Variants in TENM2 observed in about 807,000 individuals in gnomAD.
TENM2 encodes the protein teneurin transmembrane protein 2.
Under a neutral mutation model 245.2 loss-of-function variants are expected in TENM2, and 52 were observed. The ratio of observed to expected loss-of-function variants is 0.21; its 90% confidence interval spans 0.17 to 0.27. The LOEUF is 0.27. Ranked by LOEUF, TENM2 falls within the 10% of genes least tolerant of loss-of-function variation. The pLI, the probability that TENM2 is intolerant of heterozygous loss-of-function variation, is 1.00. For missense variants in TENM2, 3,046 were observed against 3,666.8 expected, an observed-to-expected ratio of 0.83 and a Z score of 4.37; for synonymous variants, 1,363 against 1,438.9, an observed-to-expected ratio of 0.95 and a Z score of 1.19.
intron 2 of TENM2, among the ~76,000 whole-genome samples, chr5:167,616,680 A>C (rs1464926249): frequency 6.6e-6 from 1 of 152,010 alleles, no homozygotes; most frequent in Non-Finnish European, 1.5e-5. Flanking sequence ...GGAGAGAGGG[A>C]GGGGATGGTG....
At chr5:167,464,904 A>G (rs1198318596) in intron 2 of TENM2, among the ~76,000 whole-genome samples, 1 of 152,228 alleles carries the variant, frequency 6.6e-6, no homozygotes, top group Non-Finnish European at 1.5e-5. Context: ...AACTATTCCA[A>G]TTTAATTGAG....
At chr5:167,187,374 G>A in the TENM2 span, among the ~76,000 whole-genome samples, 2 of 152,186 alleles carry the variant, frequency 1.3e-5, no homozygotes, top group Non-Finnish European at 2.9e-5. Context: ...GGCCCAAAGA[G>A]CAATCCCTCA....
chr5:167,369,792 C>T (rs1031203616), intron 1 of TENM2, among the ~76,000 whole-genome samples: 1 of 151,998 alleles, frequency 6.6e-6, no homozygotes, highest in African/African-American at 2.4e-5. Context: ...ATCTTCTTGC[C>T]CTTGTAGTAT....
intron 19 of TENM2, among the ~76,000 whole-genome samples, chr5:168,207,752 A>G (rs1001624485): frequency 1.3e-5 from 2 of 151,818 alleles, no homozygotes; most frequent in African/African-American, 4.8e-5. Context: ...TCGCTTACCC[A>G]CCCCGGAGCT....
intron 2 of TENM2, among the ~76,000 whole-genome samples, chr5:167,663,171 AG>A (rs1412875888): frequency 3.2e-4 from 48 of 151,340 alleles, no homozygotes; most frequent in African/African-American, 1.0e-3. Context: ...AGAGAGAGAG[AG>A]AGAGAGAGAG....
chr5:168,050,391 A>T (rs2152050742), intron 6 of TENM2, among the ~76,000 whole-genome samples: 2 of 152,308 alleles, frequency 1.3e-5, no homozygotes, highest in South Asian at 4.1e-4. Flanking sequence ...ACATTTAGAT[A>T]ACCTGAATCA....
intron 1 of TENM2, among the ~76,000 whole-genome samples, chr5:167,291,190 G>C (rs1242463846): frequency 6.6e-6 from 1 of 152,044 alleles, no homozygotes; most frequent in Non-Finnish European, 1.5e-5. Flanking sequence ...AAATTCCCCA[G>C]AGTTTCACCC....
At chr5:167,436,536 C>T (rs187532479) in intron 2 of TENM2, among the ~76,000 whole-genome samples, 80 of 152,318 alleles carry the variant, frequency 5.3e-4, no homozygotes, top group African/African-American at 1.8e-3. Flanking sequence ...GAAATTCAAG[C>T]TGGCTGCTGA....
At chr5:167,368,434 C>CA (rs1211619033) in intron 1 of TENM2, among the ~76,000 whole-genome samples, 3 of 151,658 alleles carry the variant, frequency 2.0e-5, no homozygotes, top group Admixed American at 1.3e-4. Flanking sequence ...ATTTTTTTTC[C>CA]AAAAAATACT....
the TENM2 span, among the ~76,000 whole-genome samples, chr5:166,988,243 G>A: frequency 6.6e-6 from 1 of 152,138 alleles, no homozygotes; most frequent in Non-Finnish European, 1.5e-5. Flanking sequence ...TCATAGCTAA[G>A]CCATCAAAAT....
At chr5:167,266,919 G>T in the TENM2 span, among the ~76,000 whole-genome samples, 3 of 152,182 alleles carry the variant, frequency 2.0e-5, no homozygotes, top group Non-Finnish European at 2.9e-5. Context: ...AATATCTTCA[G>T]TTGTGGTGTG....
At chr5:168,144,111 G>A (rs1460660973) in intron 12 of TENM2, among the ~76,000 whole-genome samples, 2 of 151,380 alleles carry the variant, frequency 1.3e-5, no homozygotes, top group African/African-American at 2.4e-5. Flanking sequence ...CGCCTGCCTC[G>A]GCCTCCCAAA....
At chr5:167,450,045 A>AGATGGATG (rs983913082) in intron 2 of TENM2, among the ~76,000 whole-genome samples, 1 of 152,106 alleles carries the variant, frequency 6.6e-6, no homozygotes, top group South Asian at 2.1e-4. Flanking sequence ...ATGCGTGGCT[A>AGATGGATG]GATGGATGGA....
At chr5:167,527,549 C>G (rs1298974834) in intron 2 of TENM2, among the ~76,000 whole-genome samples, 2 of 152,236 alleles carry the variant, frequency 1.3e-5, no homozygotes, top group Non-Finnish European at 2.9e-5. Context: ...GCTAATACTC[C>G]AAAGACGGGA....
chr5:167,655,810 A>G (rs1754805398), intron 2 of TENM2, among the ~76,000 whole-genome samples: 2 of 152,182 alleles, frequency 1.3e-5, no homozygotes, highest in Non-Finnish European at 2.9e-5. Flanking sequence ...TTGACAGTAG[A>G]TATGGAGAAT....
the TENM2 span, among the ~76,000 whole-genome samples, chr5:167,099,216 T>C: frequency 2.6e-5 from 4 of 152,198 alleles, no homozygotes; most frequent in Non-Finnish European, 5.9e-5. Flanking sequence ...AATTGTATCA[T>C]TACTTAGGGC....
chr5:167,645,603 T>C (rs1454874050), intron 2 of TENM2, among the ~76,000 whole-genome samples: 2 of 150,884 alleles, frequency 1.3e-5, no homozygotes, highest in Non-Finnish European at 2.9e-5. Flanking sequence ...TTTTTTTTTT[T>C]CAGTAAACAT....
intron 2 of TENM2, among the ~76,000 whole-genome samples, chr5:167,858,735 G>T (rs1351380853): frequency 6.6e-6 from 1 of 150,768 alleles, no homozygotes; most frequent in African/African-American, 2.4e-5. Context: ...GACCGCAGCC[G>T]CCGCCGCCCG....
At chr5:167,567,180 A>G (rs898966262) in intron 2 of TENM2, among the ~76,000 whole-genome samples, 1 of 152,186 alleles carries the variant, frequency 6.6e-6, no homozygotes, top group Middle Eastern at 3.2e-3. Flanking sequence ...AATAAGAAAG[A>G]TACATTAAGG....
Sources: allele counts gnomAD v4.1 joint callset (sites outside exome capture counted in the v4.1 genomes callset), GRCh38; gene constraint gnomAD v4.1.1; transcripts MANE v1.5; gene names NCBI Gene and HGNC (gene_info 2026-07-23, HGNC 2026-07-21).